TTC6: variants seen among roughly 807,000 people sequenced by gnomAD.
TTC6 encodes the protein tetratricopeptide repeat protein 6.
TTC6 carries 172 observed loss-of-function variants against 210.4 expected under a neutral mutation model. The observed-to-expected ratio is 0.82, with a 90% CI of 0.72 to 0.93. TTC6 has a LOEUF of 0.93. TTC6 is among the 40% of genes least tolerant of loss of function. The probability of loss-of-function intolerance (pLI) is 0.00; values close to 1 mark genes in which losing one functional copy is unlikely to be tolerated. For missense variants in TTC6, 2,414 were observed against 2,318.1 expected, an observed-to-expected ratio of 1.04 and a Z score of -0.85; for synonymous variants, 804 against 819.6, an observed-to-expected ratio of 0.98 and a Z score of 0.32.
At chr14:37,639,081 T>G (rs901951897) in intron 1 of TTC6, among the ~76,000 whole-genome samples, 6 of 152,218 alleles carry the variant, frequency 3.9e-5, no homozygotes, top group Admixed American at 2.0e-4. Context: ...TTGGTACATA[T>G]CAAAGAACAT....
chr14:37,667,778 C>T (rs1415292117), intron 1 of TTC6, among the ~76,000 whole-genome samples: 2 of 150,686 alleles, frequency 1.3e-5, no homozygotes, highest in African/African-American at 4.8e-5. Flanking sequence ...AGTGTCTTCA[C>T]GACCAACTTT....
At chr14:37,840,408 G>A (rs2139057190) in intron 29 of TTC6, among the ~76,000 whole-genome samples, 2 of 152,266 alleles carry the variant, frequency 1.3e-5, no homozygotes, top group South Asian at 4.2e-4. Flanking sequence ...TTCTGCCAGA[G>A]GTGCAAAGAG....
intron 10 of TTC6, among the ~76,000 whole-genome samples, chr14:37,747,480 A>G (rs2095939549): frequency 6.6e-6 from 1 of 152,228 alleles, no homozygotes; most frequent in South Asian, 2.1e-4. Flanking sequence ...GGGAGTGATG[A>G]CTAGAAGCTG....
At chr14:37,759,427 C>T (rs2139090809) in intron 14 of TTC6, among the ~76,000 whole-genome samples, 1 of 152,136 alleles carries the variant, frequency 6.6e-6, no homozygotes, top group South Asian at 2.1e-4. Context: ...CTTTGGCTGC[C>T]CTTAACATTT....
chr14:37,832,325 CTCTCTTTT>C (rs1427723497), intron 29 of TTC6, among the ~76,000 whole-genome samples: 16 of 80,234 alleles, frequency 2.0e-4, no homozygotes, highest in Non-Finnish European at 2.8e-4. Flanking sequence ...CTTTTTCTTT[CTCTCTTTT>C]TTTTTTTTTT....
intron 7 of TTC6, among the ~76,000 whole-genome samples, chr14:37,733,119 A>G (rs2095892321): frequency 1.3e-5 from 2 of 152,322 alleles, no homozygotes; most frequent in African/African-American, 4.8e-5. Flanking sequence ...ACTTATTGAT[A>G]TCTAATATAC....
chr14:37,789,085 C>T (rs2096073775), intron 15 of TTC6, among the ~76,000 whole-genome samples: 1 of 152,068 alleles, frequency 6.6e-6, no homozygotes. Flanking sequence ...CCAGACAGCC[C>T]AAGGAGTTTT....
At chr14:37,692,464 G>T in intron 3 of TTC6, among the ~76,000 whole-genome samples, 1 of 152,012 alleles carries the variant, frequency 6.6e-6, no homozygotes, top group East Asian at 1.9e-4. Context: ...CATTTCAATT[G>T]ATGCTTAAAA....
rs187104060 is a variant in TTC6, at chr14:37,799,493, G to A, written c.4029+2546G>A. Among the ~76,000 whole-genome samples the A allele has an allele frequency of 2.6e-5, 4 of 152,214 alleles. No individual in the cohort carries two copies. The East Asian group carries it at 7.7e-4, about 29-fold the overall frequency. ...GTGACCCTCAACAAGTTATGCCCTT[G>A]TGTGACCTTGAGTGTGAGTGGAACC... On this transcript the variant is annotated intron_variant, in intron 20 of 30. Coordinates refer to ENST00000553443, the Ensembl canonical transcript of TTC6.
exon 5 of TTC6, chr14:37,701,475 T>G: frequency 6.6e-7 from 1 of 1,523,074 alleles, no homozygotes; most frequent in Non-Finnish European, 8.7e-7. Flanking sequence ...CTTGGAAAAT[T>G]TGGAACCTCT....
At chr14:37,792,453 C>CT in intron 17 of TTC6, 39 bp downstream of exon 19, 1 of 1,412,264 alleles carries the variant, frequency 7.1e-7, no homozygotes, top group Non-Finnish European at 9.2e-7. Context: ...TTTAAAAAAA[C>CT]TTTAATTTTC....
rs1463724952 is a variant in TTC6 at position 37,790,839 on chromosome 14, T to C, written c.3557+2T>C. The C allele has an allele frequency of 6.6e-7, 1 of 1,519,726 alleles. No homozygotes were observed. The highest frequency in any genetic ancestry group is 1.3e-5 in the South Asian group (1 of 79,834). 94.1% of individuals were successfully genotyped at this position (1,519,726 alleles called of 1,614,324 possible). A position where few individuals can be genotyped will look rare whatever the true frequency, so the allele number is the denominator to read the frequency against. On this transcript the variant is annotated splice_donor_variant, in intron 16 of 30. Transcript: ENST00000553443. LOFTEE classifies it high-confidence loss of function. ...TGAAACTGTCATTTCTCTAGAAAGG[T>C]ATGTTTTCCTTTTCATATTTATTGA...
At chr14:37,617,085 T>G (rs1426896599), upstream of TTC6, among the ~76,000 whole-genome samples, 1 of 151,956 alleles carries the variant, frequency 6.6e-6, no homozygotes, top group Non-Finnish European at 1.5e-5. Flanking sequence ...TATGTTGCCT[T>G]CGTTGGTCTT....
intron 14 of TTC6, among the ~76,000 whole-genome samples, chr14:37,761,157 G>A (rs1422616383): frequency 2.6e-5 from 4 of 152,234 alleles, no homozygotes; most frequent in South Asian, 2.1e-4. Context: ...GGCACACAGG[G>A]AGTCTCCTGA....
chr14:37,841,682 G>C lies in TTC6; in HGVS notation c.5524+12G>C. ...AGACCTTAATAAAGGTACACTTTTG[G>C]TAATTATTCTGGTAAGATTACAGTG... On this transcript the variant is annotated intron_variant, in intron 30 of 30. Transcript: ENST00000553443. 6.3e-7 allele frequency: 1 copy of C among 1,582,848 alleles called. No homozygotes were observed. The highest frequency in any genetic ancestry group is 8.6e-7 in the Non-Finnish European group (1 of 1,162,316).
At chr14:37,717,762 A>G (rs975884245) in intron 6 of TTC6, among the ~76,000 whole-genome samples, 2 of 151,602 alleles carry the variant, frequency 1.3e-5, no homozygotes, top group African/African-American at 4.8e-5. Flanking sequence ...AACAAAAAAG[A>G]AAGAAAGAAA....
At chr14:37,647,125 A>C (rs1454614273) in intron 1 of TTC6, among the ~76,000 whole-genome samples, 1 of 152,170 alleles carries the variant, frequency 6.6e-6, no homozygotes, top group African/African-American at 2.4e-5. Flanking sequence ...TTCTCTAGGG[A>C]CTAGTACTGT....
chr14:37,811,202 T>G lies in TTC6; in HGVS notation c.4570-1112T>G, dbSNP rs78087405. On this transcript the variant is annotated intron_variant, in intron 24 of 30. Transcript: ENST00000553443. ...ATTGCAGATTCAGCTGCTTAGTGGA[T>G]CTCGAAGGCATCATACTGGTTTCAC... 2.8e-4 allele frequency among the ~76,000 whole-genome samples: 42 copies of G among 152,308 alleles called. No individual in the cohort carries two copies. The East Asian group carries it at 7.9e-3, about 29-fold the overall frequency.
intron 14 of TTC6, among the ~76,000 whole-genome samples, chr14:37,772,063 G>T (rs994713733): frequency 6.6e-6 from 1 of 152,126 alleles, no homozygotes; most frequent in African/African-American, 2.4e-5. Context: ...GTACCCTGCC[G>T]TGTGAGGTGT....
Sources: gnomAD v4.1 joint callset for allele counts (sites outside exome capture counted in the v4.1 genomes callset) on GRCh38, gnomAD v4.1.1 for gene constraint, MANE v1.5 for transcripts, NCBI Gene and HGNC (gene_info 2026-07-23, HGNC 2026-07-21) for gene names.